The following RNF168 variants were observed in gnomAD, a reference collection of about 807,000 sequenced individuals.
RNF168 encodes E3 ubiquitin-protein ligase RNF168.
Under a neutral mutation model 34.9 loss-of-function variants are expected in RNF168, and 34 were observed. The ratio of observed to expected loss-of-function variants is 0.97; its 90% CI spans 0.74 to 1.30. RNF168 has a LOEUF of 1.30. Ranked by LOEUF, RNF168 falls within the 50% of genes most tolerant of loss-of-function variation. RNF168 has a pLI of 0.00. For synonymous variants in RNF168, 264 were observed against 254.7 expected (o/e 1.04, Z -0.35); for missense variants, 725 against 682.5 (o/e 1.06, Z -0.69).
At position 196,471,196 on chromosome 3, in the gene RNF168, C is replaced by CAAAAAAAAAAAAAAAAAAAAAAAA. The variant is rs57647149; in HGVS notation, c.*599_*622dup. 4.9e-5 allele frequency: 2 copies of CAAAAAAAAAAAAAAAAAAAAAAAA among 40,640 alleles called. No homozygotes were observed. Among genetic ancestry groups the CAAAAAAAAAAAAAAAAAAAAAAAA allele is most frequent in the African/African-American group, 8.2e-5 (1 of 12,264 alleles). The allele number at this position is 40,640 out of a possible 1,614,324, so 2.5% of individuals were successfully genotyped here. A position where few individuals can be genotyped will look rare whatever the true frequency, so the allele number is the denominator to read the frequency against. ...GCGTGACAGAGCAAGACTCTGTCTC[C>CAAAAAAAAAAAAAAAAAAAAAAAA]AAAAAAAAAAAAAAAAAAAAAAAAA... On this transcript the variant is annotated 3_prime_UTR_variant, in exon 6 of 6. Coordinates refer to ENST00000318037, the MANE Select transcript of RNF168 (RefSeq NM_152617.4).
rs192270033 is a variant in RNF168, at chr3:196,488,732, T to C, written c.302-49A>G. 4.1e-3 allele frequency: 4,943 copies of C among 1,195,942 alleles called. 20 individuals are homozygous for C. Among genetic ancestry groups the C allele is most frequent in the Non-Finnish European group, 4.9e-3 (3,918 of 803,454 alleles). 74.1% of individuals were successfully genotyped at this position (1,195,942 alleles called of 1,614,324 possible). A position where few individuals can be genotyped will look rare whatever the true frequency, so the allele number is the denominator to read the frequency against. On this transcript the variant is annotated intron_variant, in intron 1 of 5. Coordinates refer to ENST00000318037, the MANE Select transcript of RNF168 (RefSeq NM_152617.4). ...TAACATTATAGGCAACACAATTTTATGGTAACTTTGGTCTTCCATTAAAAC... is the reference window on the plus strand; with the variant it reads ...TAACATTATAGGCAACACAATTTTACGGTAACTTTGGTCTTCCATTAAAAC...
At chr3:196,484,600 A>C (rs1732380776) in intron 3 of RNF168, among the ~76,000 whole-genome samples, 1 of 141,724 alleles carries the variant, frequency 7.1e-6, no homozygotes, top group Non-Finnish European at 1.5e-5. Flanking sequence ...TCCCACCTTC[A>C]CCTCCCAAGT....
intron 1 of RNF168, among the ~76,000 whole-genome samples, chr3:196,496,774 CG>C (rs1325182621): frequency 6.6e-6 from 1 of 152,032 alleles, no homozygotes; most frequent in Non-Finnish European, 1.5e-5. Context: ...GAGGCTGAGA[CG>C]GGAGGACTGC....
rs566088638 is a variant in RNF168, at chr3:196,471,534, T to A, written c.*285A>T. Reference sequence around the variant, plus strand: ...GCAGTTTTTGGAAAGACAATGGCACTTGAAGATTTCCTGGAGTTGGCCAAA... The same window carrying A: ...GCAGTTTTTGGAAAGACAATGGCACATGAAGATTTCCTGGAGTTGGCCAAA... On this transcript the variant is annotated 3_prime_UTR_variant, in exon 6 of 6. Transcript: ENST00000318037. 2.7e-6 allele frequency: 1 copy of A among 366,886 alleles called. No individual in the cohort carries two copies. The highest frequency in any genetic ancestry group is 4.1e-5 in the Admixed American group (1 of 24,172). The allele number at this position is 366,886 out of a possible 1,614,324, so 22.7% of individuals were successfully genotyped here.
At chr3:196,487,878 A>C (rs747035902) in intron 2 of RNF168, among the ~76,000 whole-genome samples, 1 of 152,200 alleles carries the variant, frequency 6.6e-6, no homozygotes, top group Non-Finnish European at 1.5e-5. Flanking sequence ...TTTATGTATA[A>C]CTTCATATGT....
chr3:196,502,987 G>C lies in RNF168; in HGVS notation c.187C>G (p.Arg63Gly). The C allele has an allele frequency of 6.2e-7, 1 of 1,613,978 alleles. No homozygotes were observed. The highest frequency in any genetic ancestry group is 8.5e-7 in the Non-Finnish European group (1 of 1,179,970). Residue 63 changes from arginine (R) to glycine (G), a missense_variant, in exon 1 of 6, where the codon CGG becomes GGG. By Grantham distance (125) the Arg-to-Gly change is moderately radical (BLOSUM62 -2). Transcript: ENST00000318037. The stretch of plus-strand genomic sequence containing the variant: ...AGAGAATTTCTTCGGGTATGGTACC[G>C]AGTCCACGACGATACCCGGCGGCGA... The part of the protein sequence containing the change: ...FCRRRVSSWT[R>G]YHTRRNSLVN...
intron 2 of RNF168, 126 bp downstream of exon 2, chr3:196,488,481 C>CAAA (rs34023868): frequency 2.2e-4 from 108 of 486,068 alleles, no homozygotes; most frequent in African/African-American, 3.8e-4. Flanking sequence ...GACTCCATCT[C>CAAA]AAAAAAAAAA....
At chr3:196,490,880 G>C (rs1035420437) in intron 1 of RNF168, among the ~76,000 whole-genome samples, 2 of 152,180 alleles carry the variant, frequency 1.3e-5, no homozygotes, top group Non-Finnish European at 2.9e-5. Flanking sequence ...CATATATAAG[G>C]CTCCTTAAAA....
chr3:196,494,396 C>T (rs1450187181), intron 1 of RNF168, among the ~76,000 whole-genome samples: 2 of 152,110 alleles, frequency 1.3e-5, no homozygotes, highest in East Asian at 3.8e-4. Context: ...AAATATGTCC[C>T]CATGCTTTTT....
In RNF168 at chr3:196,483,766, T is replaced by C; in HGVS notation, c.680+4A>G. 1 of 1,610,312 alleles carries C rather than the reference T, an allele frequency of 6.2e-7. No individual in the cohort carries two copies. The highest frequency in any genetic ancestry group is 8.5e-7 in the Non-Finnish European group (1 of 1,176,662). On this transcript the variant is annotated splice_donor_region_variant and intron_variant, in intron 4 of 5. Coordinates refer to ENST00000318037, the MANE Select transcript of RNF168 (RefSeq NM_152617.4). ...ACAAATAATTCATAGTCATGTTCAC[T>C]TACTTCTGAATATCTCCAGTGTTTC...
At chr3:196,500,229 A>C (rs1373350288) in intron 1 of RNF168, among the ~76,000 whole-genome samples, 1 of 152,230 alleles carries the variant, frequency 6.6e-6, no homozygotes, top group African/African-American at 2.4e-5. Context: ...CATTATTTCT[A>C]ATAGCCGAGA....
chr3:196,501,592 G>C (rs1425011157), intron 1 of RNF168, among the ~76,000 whole-genome samples: 1 of 152,172 alleles, frequency 6.6e-6, no homozygotes, highest in Non-Finnish European at 1.5e-5. Context: ...AGTGCCTCAC[G>C]GTTAGAGTTT....
At position 196,471,896 on chromosome 3, in the gene RNF168, A is replaced by G. The variant is rs1412802240; in HGVS notation, c.1639T>C (p.Ser547Pro). Residue 547 changes from serine (S) to proline (P), a missense_variant, in exon 6 of 6, where the codon TCC becomes CCC. Coordinates refer to ENST00000318037, the MANE Select transcript of RNF168 (RefSeq NM_152617.4). ...GGCTGTAGGGAGTGAGCACTTTTGGATACCTTACAGTGATCTCTAGTAGAA... is the reference window on the plus strand; with the variant it reads ...GGCTGTAGGGAGTGAGCACTTTTGGGTACCTTACAGTGATCTCTAGTAGAA... Reference protein sequence around the residue: ...PNSTRDHCKVSKSAHSLQPSI... With the variant: ...PNSTRDHCKVPKSAHSLQPSI... 1.2e-6 allele frequency: 2 copies of G among 1,614,076 alleles called. No homozygotes were observed. The highest frequency in any genetic ancestry group is 1.7e-6 in the Non-Finnish European group (2 of 1,179,966).
chr3:196,495,663 G>T (rs1389518781), intron 1 of RNF168, among the ~76,000 whole-genome samples: 1 of 152,112 alleles, frequency 6.6e-6, no homozygotes, highest in Non-Finnish European at 1.5e-5. Context: ...CATTACTGTG[G>T]TAACAGGCTT....
chr3:196,482,483 CAT>C (rs535377650), intron 4 of RNF168, among the ~76,000 whole-genome samples: 2 of 152,310 alleles, frequency 1.3e-5, no homozygotes, highest in South Asian at 4.1e-4. Flanking sequence ...ATTGCTGGGT[CAT>C]ATGCTAATTC....
At chr3:196,477,229 T>C (rs1030979260) in intron 4 of RNF168, among the ~76,000 whole-genome samples, 11 of 152,222 alleles carry the variant, frequency 7.2e-5, no homozygotes, top group Admixed American at 3.9e-4. Flanking sequence ...TGTTTACAAA[T>C]GGCAGAAATT....
intron 4 of RNF168, among the ~76,000 whole-genome samples, chr3:196,477,864 G>A (rs1281748629): frequency 6.6e-6 from 1 of 152,132 alleles, no homozygotes; most frequent in Non-Finnish European, 1.5e-5. Context: ...TGGGAGGATC[G>A]TTTGAGGCCA....
At chr3:196,481,299 T>G (rs1211402128) in intron 4 of RNF168, among the ~76,000 whole-genome samples, 1 of 152,086 alleles carries the variant, frequency 6.6e-6, no homozygotes, top group Non-Finnish European at 1.5e-5. Flanking sequence ...TGGCGGGGCG[T>G]GGCGGCTCAC....
chr3:196,478,758 C>T (rs1271275135), intron 4 of RNF168, among the ~76,000 whole-genome samples: 1 of 151,394 alleles, frequency 6.6e-6, no homozygotes, highest in Non-Finnish European at 1.5e-5. Flanking sequence ...CCTCTGCCTC[C>T]CGGGTTTAAG....
Sources: gnomAD v4.1 joint callset for allele counts (sites outside exome capture counted in the v4.1 genomes callset) on GRCh38, gnomAD v4.1.1 for gene constraint, MANE v1.5 for transcripts, NCBI Gene and HGNC (gene_info 2026-07-23, HGNC 2026-07-21) for gene names.